Variants in PLEKHA5 observed in about 807,000 individuals in gnomAD.
PLEKHA5 encodes the protein pleckstrin homology domain containing A5.
Under a neutral mutation model 181.9 loss-of-function variants are expected in PLEKHA5, and 55 were observed. That is an observed-to-expected ratio of 0.30 (90% CI 0.24 to 0.38). The LOEUF is 0.38. Ranked by LOEUF, PLEKHA5 falls within the 10% of genes least tolerant of loss-of-function variation. The pLI is 1.00. For synonymous variants in PLEKHA5, 535 were observed against 529.4 expected (o/e 1.01, Z -0.15); for missense variants, 1,432 against 1,549.5 (o/e 0.92, Z 1.27).
intron 3 of PLEKHA5, among the ~76,000 whole-genome samples, chr12:19,217,336 CAGT>C (rs2058152139): frequency 6.6e-6 from 1 of 152,198 alleles, no homozygotes; most frequent in South Asian, 2.1e-4. Context: ...TTGAATAAAG[CAGT>C]AGGTTACCCA....
Position 19,283,451 on chromosome 12 carries a change from G to A in PLEKHA5, c.1485G>A (p.Glu495=), listed in dbSNP as rs753838344. ...ACAAGACATTAGGACCCGGAGCGGA[G>A]GAGAAACGGAGGTCCATGAGAGATG... ...THDKTLGPGA[E]EKRRSMRDDT... Residue 495 remains glutamate, a synonymous_variant, in exon 12 of 32, where the codon GAG becomes GAA. Coordinates refer to ENST00000429027, the MANE Select transcript of PLEKHA5 (RefSeq NM_001256470.2). The A allele has an allele frequency of 1.9e-6, 3 of 1,613,988 alleles. No individual in the cohort carries two copies. The East Asian group carries it at 6.7e-5, about 36-fold the overall frequency.
chr12:19,226,192 A>G (rs1233059734), intron 3 of PLEKHA5, among the ~76,000 whole-genome samples: 2 of 152,168 alleles, frequency 1.3e-5, no homozygotes, highest in Admixed American at 6.5e-5. Context: ...AAATTCTACA[A>G]TATGTGATCT....
intron 10 of PLEKHA5, among the ~76,000 whole-genome samples, chr12:19,271,384 A>G (rs996500376): frequency 2.6e-5 from 4 of 152,132 alleles, no homozygotes; most frequent in Non-Finnish European, 5.9e-5. Context: ...ACACTCTTGT[A>G]GTCCCTGCTA....
intron 15 of PLEKHA5, chr12:19,307,579 C>G: frequency 3.1e-6 from 1 of 326,198 alleles, no homozygotes; most frequent in South Asian, 3.6e-5. Flanking sequence ...AGATCACATT[C>G]TAGGAGGAGG....
intron 26 of PLEKHA5, among the ~76,000 whole-genome samples, chr12:19,354,574 G>T (rs563710581): frequency 6.8e-6 from 1 of 147,336 alleles, no homozygotes; most frequent in Non-Finnish European, 1.5e-5. Context: ...TCTGCCTCCC[G>T]GGTTCACACC....
rs2091450686 is a variant in PLEKHA5 at position 19,323,702 on chromosome 12, G to A, written c.2448+1035G>A. Among the ~76,000 whole-genome samples the A allele has an allele frequency of 2.0e-5, 3 of 151,372 alleles. 1 individual carries two copies. The highest frequency in any genetic ancestry group is 3.9e-4 in the East Asian group (2 of 5,108). ...GTGGTGGCAGGTGCCTGTAATCCTAGCTACTTGGGAGGCTGAGGCACGAGA... is the reference window on the plus strand; with the variant it reads ...GTGGTGGCAGGTGCCTGTAATCCTAACTACTTGGGAGGCTGAGGCACGAGA... On this transcript the variant is annotated intron_variant, in intron 20 of 31. Transcript: ENST00000429027.
chr12:19,333,775 A>G (rs929411948), intron 20 of PLEKHA5, among the ~76,000 whole-genome samples: 1 of 151,454 alleles, frequency 6.6e-6, no homozygotes, highest in Non-Finnish European at 1.5e-5. Flanking sequence ...AGCCCAGATA[A>G]TTTTTTTGTA....
intron 3 of PLEKHA5, among the ~76,000 whole-genome samples, chr12:19,188,967 C>T (rs184285081): frequency 1.8e-3 from 281 of 152,314 alleles, no homozygotes; most frequent in African/African-American, 6.5e-3. Context: ...AAAACAGGCA[C>T]TGTCCCTGAA....
chr12:19,353,983 A>T lies in PLEKHA5; in HGVS notation c.3119A>T (p.Lys1040Met), dbSNP rs368055588. The T allele has an allele frequency of 2.2e-5, 34 of 1,556,224 alleles. No homozygotes were observed. Among genetic ancestry groups the T allele is most frequent in the East Asian group, 9.0e-5 (4 of 44,574 alleles). The change falls in exon 26 of 32, where the codon AAG (lysine) becomes ATG (methionine). Residue 1040 changes from lysine to methionine, a missense_variant. Lys to Met is a moderately conservative substitution (Grantham distance 95). This residue lies in a region of PLEKHA5 where 1,143 missense variants were observed against 1,168.4 expected (regional missense o/e 0.98). Transcript: ENST00000429027. ...ASYVTLRKTK[K>M]MMDLRTERPR... The stretch of plus-strand genomic sequence containing the variant: ...TATGTAACCTTGAGGAAAACTAAGA[A>T]GATGATGGATCTAAGAACGGTATTT...
chr12:19,201,596 A>G (rs1432733714), intron 3 of PLEKHA5: 1 of 152,106 alleles, frequency 6.6e-6, no homozygotes, highest in East Asian at 1.9e-4. Context: ...TGGAGAGACA[A>G]AATGTGTTTA....
intron 3 of PLEKHA5, among the ~76,000 whole-genome samples, chr12:19,163,404 C>T (rs2043452116): frequency 6.6e-6 from 1 of 152,096 alleles, no homozygotes; most frequent in African/African-American, 2.4e-5. Flanking sequence ...GTCTCAATCT[C>T]CTGACCTCGT....
At chr12:19,347,228 C>G (rs555515413) in intron 24 of PLEKHA5, 46 bp downstream of exon 24, 2 of 1,090,856 alleles carry the variant, frequency 1.8e-6, no homozygotes, top group Admixed American at 3.0e-5. Flanking sequence ...TACATGTCCT[C>G]TCATTTTTGA....
intron 28 of PLEKHA5, among the ~76,000 whole-genome samples, chr12:19,360,149 T>C (rs1276929586): frequency 2.6e-5 from 4 of 151,336 alleles, no homozygotes; most frequent in African/African-American, 9.7e-5. Flanking sequence ...CTGGGCAACA[T>C]GGTGAAACCC....
chr12:19,243,921 T>C (rs2063147267), intron 3 of PLEKHA5, among the ~76,000 whole-genome samples: 1 of 152,220 alleles, frequency 6.6e-6, no homozygotes, highest in Non-Finnish European at 1.5e-5. Flanking sequence ...GGCACAATTT[T>C]CTATGCCAGC....
intron 20 of PLEKHA5, among the ~76,000 whole-genome samples, chr12:19,330,647 A>G (rs2092748699): frequency 6.6e-6 from 1 of 152,180 alleles, no homozygotes; most frequent in African/African-American, 2.4e-5. Context: ...AAATCTCTAC[A>G]TCCTGAAGGT....
chr12:19,262,791 T>G (rs1242789395), intron 7 of PLEKHA5, among the ~76,000 whole-genome samples: 1 of 152,186 alleles, frequency 6.6e-6, no homozygotes, highest in Non-Finnish European at 1.5e-5. Flanking sequence ...TCTGGGAGAC[T>G]GATTCATTTG....
At chr12:19,216,994 A>G (rs976447302) in intron 3 of PLEKHA5, among the ~76,000 whole-genome samples, 10 of 152,284 alleles carry the variant, frequency 6.6e-5, no homozygotes, top group East Asian at 1.9e-4. Context: ...ATTGTGTTTT[A>G]TAGTCATAGC....
At chr12:19,210,807 G>A (rs1393773268) in intron 3 of PLEKHA5, among the ~76,000 whole-genome samples, 1 of 152,190 alleles carries the variant, frequency 6.6e-6, no homozygotes, top group Non-Finnish European at 1.5e-5. Flanking sequence ...AGCAAAGGAT[G>A]TGAATGTTGG....
chr12:19,211,665 T>A (rs900690966), intron 3 of PLEKHA5, among the ~76,000 whole-genome samples: 4 of 152,128 alleles, frequency 2.6e-5, no homozygotes, highest in East Asian at 1.9e-4. Context: ...ACAAAAAAAA[T>A]TTATTTTAAA....
Sources: allele counts gnomAD v4.1 joint callset (sites outside exome capture counted in the v4.1 genomes callset), GRCh38; gene constraint gnomAD v4.1.1; regional missense constraint gnomAD v4.1.1; transcripts MANE v1.5; gene names NCBI Gene and HGNC (gene_info 2026-07-23, HGNC 2026-07-21).